The following GRIN2B variants were observed in gnomAD, a reference collection of about 807,000 sequenced individuals.
GRIN2B encodes the protein glutamate ionotropic receptor NMDA type subunit 2B, also known as glutamate receptor ionotropic, NMDA 2B.
A neutral mutation model predicts 114.5 loss-of-function variants in GRIN2B; 5 were observed. That is an observed-to-expected ratio of 0.04 (90% confidence interval 0.02 to 0.09). GRIN2B has a LOEUF of 0.09. Ranked by LOEUF, GRIN2B falls within the 10% of genes least tolerant of loss-of-function variation. The pLI is 1.00. For missense variants in GRIN2B, 1,108 were observed against 1,943.5 expected (o/e 0.57, Z 8.08); for synonymous variants, 787 against 745.1 (o/e 1.06, Z -0.92).
chr12:13,563,578 G>C lies in GRIN2B; in HGVS notation c.3660C>G (p.Ser1220=), dbSNP rs201983807. Residue 1220 remains serine, a synonymous_variant, in exon 14 of 14, where the codon TCC becomes TCG. Coordinates refer to ENST00000609686, the MANE Select transcript of GRIN2B (RefSeq NM_000834.5). ...CCGTCGTGGAGTAGTTGTGCAGCTT[G>C]GAGGGACAGCTGCGGCAGAAGTTGC... ...SGGNFCRSCP[S]KLHNYSTTVT... 62 of 1,614,120 alleles carry C rather than the reference G, an allele frequency of 3.8e-5. No homozygotes were observed. In the East Asian group the frequency reaches 1.4e-3, roughly 35 times the overall value.
Position 13,567,072 on chromosome 12 carries a change from T to A in GRIN2B, c.2551A>T (p.Met851Leu), listed in dbSNP as rs1948649948. Residue 851 changes from methionine (M) to leucine (L), a missense_variant, in exon 13 of 14, where the codon ATG (methionine) becomes TTG (leucine). Met to Leu is a conservative substitution (Grantham distance 15, BLOSUM62 2). Around this residue, in one of 19 missense-constraint regions of GRIN2B, gnomAD observed 30 missense variants for 35.9 expected, o/e 0.84. Coordinates refer to ENST00000609686, the MANE Select transcript of GRIN2B (RefSeq NM_000834.5). ...CCAGGCTTGCCAGAACAGACACCCA[T>A]AAAGCAATGTCGGAACTGCCAATAG... ...LFYWQFRHCF[M>L]GVCSGKPGMV... 2 of 1,614,116 alleles carry A rather than the reference T, an allele frequency of 1.2e-6. No individual in the cohort carries two copies. Among genetic ancestry groups the A allele is most frequent in the South Asian group, 1.1e-5 (1 of 91,070 alleles).
intron 3 of GRIN2B, among the ~76,000 whole-genome samples, chr12:13,824,988 T>A (rs1181535215): frequency 6.6e-6 from 1 of 152,128 alleles, no homozygotes; most frequent in Non-Finnish European, 1.5e-5. Context: ...TACTCTTCTT[T>A]CTCTAGATTC....
At chr12:13,890,321 G>A (rs1866237471) in intron 2 of GRIN2B, among the ~76,000 whole-genome samples, 1 of 152,136 alleles carries the variant, frequency 6.6e-6, no homozygotes. Context: ...ACCGCCTCTA[G>A]TAAGCAAACT....
intron 2 of GRIN2B, among the ~76,000 whole-genome samples, chr12:13,903,118 G>A (rs1866482211): frequency 6.6e-6 from 1 of 151,200 alleles, no homozygotes; most frequent in African/African-American, 2.4e-5. Flanking sequence ...TAAACCATTT[G>A]TACCTTATAT....
chr12:13,877,327 G>A (rs1866005286), intron 2 of GRIN2B, among the ~76,000 whole-genome samples: 1 of 152,176 alleles, frequency 6.6e-6, no homozygotes, highest in Non-Finnish European at 1.5e-5. Context: ...AACAAAAGCT[G>A]CATTATTTCA....
At chr12:13,594,007 T>G (rs899668021) in intron 10 of GRIN2B, among the ~76,000 whole-genome samples, 1 of 152,144 alleles carries the variant, frequency 6.6e-6, no homozygotes, top group African/African-American at 2.4e-5. Context: ...TGGTGATTAT[T>G]AAAAAGTCAG....
At chr12:13,849,908 C>T (rs950261537) in intron 3 of GRIN2B, among the ~76,000 whole-genome samples, 2 of 152,106 alleles carry the variant, frequency 1.3e-5, no homozygotes, top group African/African-American at 4.8e-5. Context: ...TGCCTGAGCC[C>T]GCCTAGATAT....
At position 13,844,799 on chromosome 12, in the gene GRIN2B, G is replaced by A. The variant is rs78179590; in HGVS notation, c.411+20999C>T. Among the ~76,000 whole-genome samples the A allele has an allele frequency of 7.2e-3, 1,090 of 152,252 alleles. 22 individuals are homozygous for A. Among genetic ancestry groups the A allele is most frequent in the East Asian group, 0.039 (203 of 5,184 alleles). On this transcript the variant is annotated intron_variant, in intron 3 of 13. Coordinates refer to ENST00000609686, the MANE Select transcript of GRIN2B (RefSeq NM_000834.5). ...GTTTCCCATACTGCACAATCGTTAT[G>A]AGTATCAAATTAAGGTAAAGTATAT...
At chr12:13,786,576 C>A (rs1864225039) in intron 3 of GRIN2B, among the ~76,000 whole-genome samples, 1 of 152,044 alleles carries the variant, frequency 6.6e-6, no homozygotes, top group African/African-American at 2.4e-5. Context: ...GCAGACCTGC[C>A]ATTGGCCGTG....
Position 13,537,577 on chromosome 12 carries a change from C to CA in GRIN2B, c.*25205dup, listed in dbSNP as rs1197332149. 4 of 152,224 alleles carry CA rather than the reference C, an allele frequency of 2.6e-5. No homozygotes were observed. In the East Asian group the frequency reaches 7.7e-4, roughly 29 times the overall value. 9.4% of individuals were successfully genotyped at this position (152,224 alleles called of 1,614,324 possible). A position where few individuals can be genotyped will look rare whatever the true frequency, so the allele number is the denominator to read the frequency against. On this transcript the variant is annotated 3_prime_UTR_variant, in exon 14 of 14. Transcript: ENST00000609686. The stretch of plus-strand genomic sequence containing the variant: ...GTTGTCCATGGTGAGAGGAGAGTGA[C>CA]AACAAACAGCTGCCACATATAATGG...
chr12:13,880,812 G>A (rs1193424852), intron 2 of GRIN2B, among the ~76,000 whole-genome samples: 1 of 152,160 alleles, frequency 6.6e-6, no homozygotes, highest in Non-Finnish European at 1.5e-5. Context: ...GTGTACAGAC[G>A]CCTCTCTTCA....
intron 4 of GRIN2B, among the ~76,000 whole-genome samples, chr12:13,737,170 A>T (rs1477567584): frequency 6.6e-6 from 1 of 152,030 alleles, no homozygotes; most frequent in Non-Finnish European, 1.5e-5. Context: ...CCCTCATATT[A>T]CACTTATGGG....
intron 10 of GRIN2B, among the ~76,000 whole-genome samples, chr12:13,607,151 A>AAT (rs202176683): frequency 2.0e-4 from 25 of 124,908 alleles, no homozygotes; most frequent in Non-Finnish European, 2.5e-4. Flanking sequence ...ACTCAAAAAA[A>AAT]ATATATATAT....
At chr12:13,827,229 C>CTTTTTT (rs57007962) in intron 3 of GRIN2B, among the ~76,000 whole-genome samples, 4 of 98,656 alleles carry the variant, frequency 4.1e-5, no homozygotes, top group African/African-American at 1.2e-4. Context: ...TTGTTGTTTT[C>CTTTTTT]TTTTTTTTTT....
At chr12:13,684,031 T>C (rs1950155188) in intron 4 of GRIN2B, 1 of 152,202 alleles carries the variant, frequency 6.6e-6, no homozygotes, top group Non-Finnish European at 1.5e-5. Context: ...TCCATAATAC[T>C]ACCAGTTCAG....
rs1049415576 is a variant in GRIN2B at position 13,843,714 on chromosome 12, T to A, written c.411+22084A>T. Among the ~76,000 whole-genome samples the A allele has an allele frequency of 2.0e-5, 3 of 152,340 alleles. No homozygotes were observed. In the Middle Eastern group the frequency reaches 0.01, roughly 518 times the overall value. On this transcript the variant is annotated intron_variant, in intron 3 of 13. Transcript: ENST00000609686. ...TGTCTGTTTTTGAAAGAGGCATTTTTAAAAATATTAGGAACACGTTGCAAA... is the reference window on the plus strand; with the variant it reads ...TGTCTGTTTTTGAAAGAGGCATTTTAAAAAATATTAGGAACACGTTGCAAA...
rs139643910 is a variant in GRIN2B, at chr12:13,683,107, A to T, written c.1011-7248T>A. ...TCAATGTGGCAGGCCATGGCTAGGG[A>T]ACAATGCTCTCTAGACTTACCTACG... On this transcript the variant is annotated intron_variant, in intron 4 of 13. Transcript: ENST00000609686. Among the ~76,000 whole-genome samples, 1,276 of 152,240 alleles carry T rather than the reference A, an allele frequency of 8.4e-3. 13 individuals are homozygous for T. The highest frequency in any genetic ancestry group is 0.012 in the Non-Finnish European group (796 of 67,998).
At chr12:13,669,158 C>T (rs1281701268) in intron 5 of GRIN2B, among the ~76,000 whole-genome samples, 1 of 151,952 alleles carries the variant, frequency 6.6e-6, no homozygotes, top group East Asian at 1.9e-4. Context: ...GTTAACAGTT[C>T]CAGTACTCAA....
chr12:13,699,129 A>G (rs1950288311), intron 4 of GRIN2B, among the ~76,000 whole-genome samples: 1 of 152,234 alleles, frequency 6.6e-6, no homozygotes, highest in Admixed American at 6.5e-5. Context: ...AGGCTACAGT[A>G]AATTAAAATA....
Sources: gnomAD v4.1 joint callset for allele counts (sites outside exome capture counted in the v4.1 genomes callset) on GRCh38, gnomAD v4.1.1 for gene constraint, gnomAD v4.1.1 regional missense constraint, MANE v1.5 for transcripts, NCBI Gene and HGNC (gene_info 2026-07-23, HGNC 2026-07-21) for gene names.